Variants in FRY observed in about 807,000 individuals in gnomAD.
The protein encoded by FRY is protein furry homolog.
FRY carries 128 observed loss-of-function variants against 348.4 expected under a neutral mutation model. The ratio of observed to expected loss-of-function variants is 0.37; its 90% CI spans 0.32 to 0.43. The LOEUF is 0.43. Ranked by LOEUF, FRY falls within the 20% of genes least tolerant of loss-of-function variation. The pLI is 1.00. For synonymous variants in FRY, 1,370 were observed against 1,374.7 expected, an observed-to-expected ratio of 1.00 and a Z score of 0.08; for missense variants, 2,736 against 3,695.2, an observed-to-expected ratio of 0.74 and a Z score of 6.73.
intron 1 of FRY, among the ~76,000 whole-genome samples, chr13:32,043,200 C>A (rs1158368377): frequency 2.0e-5 from 3 of 152,132 alleles, no homozygotes; most frequent in African/African-American, 7.2e-5. Context: ...TTCACTACCA[C>A]GAGAACAGTA....
intron 28 of FRY, among the ~76,000 whole-genome samples, chr13:32,193,909 T>C (rs771983356): frequency 2.0e-5 from 3 of 152,158 alleles, no homozygotes; most frequent in African/African-American, 7.2e-5. Flanking sequence ...GAGGTAAAAA[T>C]TGAGAATAGA....
intron 2 of FRY, among the ~76,000 whole-genome samples, chr13:32,090,985 A>G (rs1876263903): frequency 1.3e-5 from 2 of 152,138 alleles, no homozygotes; most frequent in South Asian, 2.1e-4. Flanking sequence ...TTTTCATAGC[A>G]TAGGGTACTG....
intron 3 of FRY, among the ~76,000 whole-genome samples, chr13:32,106,269 G>A (rs1877543381): frequency 6.6e-6 from 1 of 151,124 alleles, no homozygotes; most frequent in East Asian, 1.9e-4. Context: ...AGTCTCAGAA[G>A]TTTCCCAATA....
intron 11 of FRY, 52 bp from the exon 12 acceptor site, chr13:32,147,230 C>A: frequency 1.8e-6 from 2 of 1,110,642 alleles, no homozygotes; most frequent in South Asian, 1.3e-5. Context: ...TCTCTAGAAC[C>A]TCAGACCTCA....
At chr13:32,108,271 C>T (rs1393897841) in intron 3 of FRY, among the ~76,000 whole-genome samples, 1 of 152,088 alleles carries the variant, frequency 6.6e-6, no homozygotes, top group African/African-American at 2.4e-5. Context: ...CTAGAAAATG[C>T]CTTCTAGATG....
At chr13:32,159,978 A>ATTCTT (rs1881349624) in intron 16 of FRY, among the ~76,000 whole-genome samples, 1 of 152,214 alleles carries the variant, frequency 6.6e-6, no homozygotes, top group Non-Finnish European at 1.5e-5. Flanking sequence ...ATTATTAAGA[A>ATTCTT]AATAATCTTA....
At chr13:32,275,420 T>A (rs17692058) in intron 56 of FRY, among the ~76,000 whole-genome samples, 22,253 of 152,084 alleles carry the variant, frequency 0.15, 2,089 homozygotes, top group African/African-American at 0.26. Flanking sequence ...CCTTCAGTGT[T>A]GTGAGCAGCA....
intron 3 of FRY, among the ~76,000 whole-genome samples, chr13:32,103,407 C>CA (rs1457865991): frequency 1.3e-5 from 2 of 152,038 alleles, no homozygotes; most frequent in Admixed American, 6.6e-5. Flanking sequence ...ATCACAAGGA[C>CA]AAAAAACCAA....
At chr13:32,205,949 A>G (rs755660908) in intron 31 of FRY, among the ~76,000 whole-genome samples, 1 of 151,938 alleles carries the variant, frequency 6.6e-6, no homozygotes, top group Non-Finnish European at 1.5e-5. Flanking sequence ...GCAGAGGCAC[A>G]GAAGAGAATG....
At chr13:32,202,670 C>T in intron 31 of FRY, 143 bp downstream of exon 31, 1 of 786,486 alleles carries the variant, frequency 1.3e-6, no homozygotes, top group Non-Finnish European at 2.1e-6. Flanking sequence ...GAGTTATGAC[C>T]AGGCACGATG....
At chr13:32,190,024 A>G (rs1341146543) in intron 28 of FRY, among the ~76,000 whole-genome samples, 2 of 152,184 alleles carry the variant, frequency 1.3e-5, no homozygotes, top group South Asian at 2.1e-4. Context: ...GTTCATTCAC[A>G]TATTAACTAT....
intron 50 of FRY, 149 bp from the exon 51 acceptor site, chr13:32,254,075 T>C (rs1887216998): frequency 2.6e-6 from 2 of 780,002 alleles, no homozygotes; most frequent in Non-Finnish European, 4.5e-6. Context: ...CTGTCCAACA[T>C]AAATAATAAA....
intron 38 of FRY, 113 bp downstream of exon 38, chr13:32,225,149 C>A: frequency 1.4e-6 from 1 of 733,624 alleles, no homozygotes; most frequent in South Asian, 1.5e-5. Context: ...CGGGAATATT[C>A]TATCTCCACC....
intron 51 of FRY, among the ~76,000 whole-genome samples, chr13:32,261,106 T>G (rs1887619189): frequency 6.6e-6 from 1 of 152,250 alleles, no homozygotes; most frequent in Non-Finnish European, 1.5e-5. Context: ...CTGTGAAAAT[T>G]GCTGTGGCAG....
At chr13:32,255,296 T>C (rs1237608341) in intron 51 of FRY, among the ~76,000 whole-genome samples, 1 of 152,192 alleles carries the variant, frequency 6.6e-6, no homozygotes, top group Non-Finnish European at 1.5e-5. Flanking sequence ...GAGGCAGGCC[T>C]AGATCCCAAG....
At chr13:32,168,578 A>G (rs1881883010) in intron 17 of FRY, among the ~76,000 whole-genome samples, 1 of 152,252 alleles carries the variant, frequency 6.6e-6, no homozygotes. Flanking sequence ...TCTGTTTTAG[A>G]CAATTCTAGA....
intron 59 of FRY, among the ~76,000 whole-genome samples, chr13:32,290,655 A>C (rs1889294302): frequency 6.6e-6 from 1 of 151,990 alleles, no homozygotes; most frequent in Non-Finnish European, 1.5e-5. Context: ...AGCTATGCGG[A>C]GGGTGGGTCT....
At chr13:32,176,361 G>C (rs1044994181) in intron 20 of FRY, among the ~76,000 whole-genome samples, 1 of 152,208 alleles carries the variant, frequency 6.6e-6, no homozygotes, top group South Asian at 2.1e-4. Flanking sequence ...ACTCCTTGCA[G>C]AATCCATGTT....
chr13:32,082,221 T>TA (rs3065538), intron 2 of FRY, among the ~76,000 whole-genome samples: 11,208 of 140,714 alleles, frequency 0.08, 563 homozygotes, highest in African/African-American at 0.14. Context: ...TAGCCAACTT[T>TA]AAAAAAAAAA....
Sources: gnomAD v4.1 joint callset for allele counts (sites outside exome capture counted in the v4.1 genomes callset) on GRCh38, gnomAD v4.1.1 for gene constraint, MANE v1.5 for transcripts, NCBI Gene and HGNC (gene_info 2026-07-23, HGNC 2026-07-21) for gene names.